The following ZNF816 variants were observed in gnomAD, a reference collection of about 807,000 sequenced individuals.
ZNF816 encodes the protein zinc finger protein 816A.
ZNF816 carries 11 observed loss-of-function variants against 8.3 expected under a neutral mutation model. The observed-to-expected ratio is 1.32, with a 90% CI of 0.83 to 2.19. ZNF816 has a LOEUF of 2.19. Ranked by LOEUF, ZNF816 falls within the 30% of genes most tolerant of loss-of-function variation. The pLI is 0.00. For synonymous variants in ZNF816, 255 were observed against 254.5 expected, an observed-to-expected ratio of 1.00 and a Z score of -0.02; for missense variants, 710 against 779.3, an observed-to-expected ratio of 0.91 and a Z score of 1.06.
rs774769130 is a variant in ZNF816 at position 52,952,935 on chromosome 19, C to T, written c.64-58G>A. 5.2e-5 allele frequency: 80 copies of T among 1,534,890 alleles called. 2 individuals carry two copies. Among genetic ancestry groups the T allele is most frequent in the Non-Finnish European group, 5.9e-5 (67 of 1,144,658 alleles). On this transcript the variant is annotated intron_variant, in intron 2 of 3. Transcript: ENST00000444460. ...ATGGAGGAGTGAGTTATTGCCCTCACGTGAAATGAGAAAACAGAAAATAAG... is the reference window on the plus strand; with the variant it reads ...ATGGAGGAGTGAGTTATTGCCCTCATGTGAAATGAGAAAACAGAAAATAAG...
intron 1 of ZNF816, among the ~76,000 whole-genome samples, chr19:52,959,173 T>C (rs996917586): frequency 2.0e-5 from 3 of 152,236 alleles, no homozygotes; most frequent in African/African-American, 7.2e-5. Flanking sequence ...AACTAACTCT[T>C]AGGCAAAACC....
intron 2 of ZNF816, among the ~76,000 whole-genome samples, chr19:52,954,255 C>T (rs534896354): frequency 5.3e-5 from 8 of 151,824 alleles, no homozygotes; most frequent in South Asian, 2.1e-4. Flanking sequence ...GGAATGGTGG[C>T]GCATGCCTAT....
intron 2 of ZNF816, among the ~76,000 whole-genome samples, chr19:52,954,940 G>T (rs2083497132): frequency 6.6e-6 from 1 of 151,856 alleles, no homozygotes; most frequent in Admixed American, 6.6e-5. Context: ...TCCCCACTGA[G>T]ACATGGGAAT....
Position 52,956,065 on chromosome 19 carries a change from TCTTGGTGG to T in ZNF816, c.17_24del (p.Ala6GlufsTer57), listed in dbSNP as rs1477319640. On this transcript the variant is annotated frameshift_variant, in exon 2 of 4. Transcript: ENST00000444460. LOFTEE classifies it high-confidence loss of function. ...ATCCCTGGCTCCTTTTCTTTGCTCT[TCTTGGTGG>T]CTTCCTCACGTAACATGAGTCTTTG... 1.9e-6 allele frequency: 3 copies of T among 1,611,560 alleles called. No homozygotes were observed. The highest frequency in any genetic ancestry group is 2.5e-6 in the Non-Finnish European group (3 of 1,179,440).
chr19:52,955,679 T>C (rs2122159496), intron 2 of ZNF816, among the ~76,000 whole-genome samples: 2 of 152,328 alleles, frequency 1.3e-5, no homozygotes, highest in Middle Eastern at 6.8e-3. Flanking sequence ...CATATACAGT[T>C]TCTCTGATCT....
intron 1 of ZNF816, 45 bp from the exon 2 acceptor site, chr19:52,956,149 A>C: frequency 4.5e-6 from 7 of 1,572,490 alleles, no homozygotes. Flanking sequence ...GAAACCATTG[A>C]CTCCTTTCCT....
chr19:52,956,173 C>T (rs2083508634), intron 1 of ZNF816, 69 bp from the exon 2 acceptor site: 2 of 1,521,054 alleles, frequency 1.3e-6, no homozygotes, highest in South Asian at 1.2e-5. Context: ...ACAAAACACA[C>T]ACACAGGGGA....
At position 52,950,867 on chromosome 19, in the gene ZNF816, T is replaced by A. The variant is rs762312487; in HGVS notation, c.908A>T (p.His303Leu). The change falls in exon 4 of 4, where the codon CAT becomes CTT. Residue 303 changes from histidine to leucine, a missense_variant. His to Leu is a moderately conservative substitution (Grantham distance 99). Transcript: ENST00000444460. ...TFTQMSSLVC[H>L]RRLHTGEKPY... ...TTTCTCTCCAGTATGAAGTCTACGA[T>A]GGCATACAAGGGATGACATCTGAGT... 6.2e-7 allele frequency: 1 copy of A among 1,614,216 alleles called. No homozygotes were observed.
In ZNF816 at chr19:52,957,011, C is replaced by T. The variant is rs934774675; in HGVS notation, c.-15-907G>A. On this transcript the variant is annotated intron_variant, in intron 1 of 3. Transcript: ENST00000444460. The surrounding 1 kb of genome is among the most constrained non-coding windows in gnomAD (Gnocchi z 4.6). ...GCACGTAGTGTCAAGTCACATTCCC[C>T]ACACTTGCTTGATCTATCATGACCC... Among the ~76,000 whole-genome samples the T allele has an allele frequency of 7.9e-5, 12 of 152,202 alleles. No individual in the cohort carries two copies. The highest frequency in any genetic ancestry group is 7.9e-4 in the Admixed American group (12 of 15,274).
At chr19:52,956,161 T>C in intron 1 of ZNF816, 57 bp from the exon 2 acceptor site, 5 of 1,557,924 alleles carry the variant, frequency 3.2e-6, no homozygotes, top group Non-Finnish European at 4.3e-6. Flanking sequence ...TCCTTTCCTG[T>C]GACAAAACAC....
intron 2 of ZNF816, among the ~76,000 whole-genome samples, chr19:52,954,022 C>T (rs989268686): frequency 7.8e-6 from 1 of 128,494 alleles, no homozygotes; most frequent in African/African-American, 3.3e-5. Flanking sequence ...GCCTGAGCAA[C>T]AGACTGAGAC....
intron 1 of ZNF816, chr19:52,960,180 G>T: frequency 4.7e-6 from 1 of 213,354 alleles, no homozygotes; most frequent in South Asian, 6.4e-5. Flanking sequence ...TGTGTTACCT[G>T]CCGACAGCAC....
In ZNF816 at chr19:52,950,038, GA is replaced by G. The variant is rs2083440876; in HGVS notation, c.1736del (p.Ile579ThrfsTer115). The G allele has an allele frequency of 3.1e-6, 5 of 1,613,840 alleles. No individual in the cohort carries two copies. The highest frequency in any genetic ancestry group is 4.2e-6 in the Non-Finnish European group (5 of 1,179,950). On this transcript the variant is annotated frameshift_variant, in exon 4 of 4. Transcript: ENST00000444460. LOFTEE classifies it low-confidence loss of function (END_TRUNC). ...TATGAACTCTCTGATGTTGTGCAAG[GA>G]TTCCTTTTTGATTAAAAACCTTCGC... ...KCAKVFNQKG[I>X]LAQHQRVHTG...
rs759120983 is a variant in ZNF816, at chr19:52,950,080, G to C, written c.1695C>G (p.Tyr565Ter). The C allele has an allele frequency of 6.2e-7, 1 of 1,614,094 alleles. No individual in the cohort carries two copies. Among genetic ancestry groups the C allele is most frequent in the Non-Finnish European group, 8.5e-7 (1 of 1,179,982 alleles). Reference sequence around the variant, plus strand: ...AAACCTTCGCACATTTATTACACTTGTAAGGTTTCTCTCCAGTATGAACTC... The same window carrying C: ...AAACCTTCGCACATTTATTACACTTCTAAGGTTTCTCTCCAGTATGAACTC... Reference protein sequence around the residue: ...HTRVHTGEKPYKCNKCAKVFN... With the variant: ...HTRVHTGEKP The change falls in exon 4 of 4, where the codon TAC (tyrosine) becomes TAG (stop). Residue 565 changes from tyrosine to a stop codon, truncating the protein, a stop_gained. Transcript: ENST00000444460. LOFTEE classifies it low-confidence loss of function (END_TRUNC).
chr19:52,949,714 T>G lies in ZNF816; in HGVS notation c.*105A>C. The G allele has an allele frequency of 6.5e-7, 1 of 1,535,526 alleles. No individual in the cohort carries two copies. Among genetic ancestry groups the G allele is most frequent in the Non-Finnish European group, 9.0e-7 (1 of 1,114,230 alleles). ...GATGAACTACAAGTTATGAATGACGTCTGAAAAATTTGCCACATTTATTAC... is the reference window on the plus strand; with the variant it reads ...GATGAACTACAAGTTATGAATGACGGCTGAAAAATTTGCCACATTTATTAC... On this transcript the variant is annotated 3_prime_UTR_variant, in exon 4 of 4. Coordinates refer to ENST00000444460, the MANE Select transcript of ZNF816 (RefSeq NM_001202457.3).
Position 52,950,913 on chromosome 19 carries a change from TAC to T in ZNF816, c.860_861del (p.Cys287Ter). The T allele has an allele frequency of 6.2e-7, 1 of 1,614,202 alleles. No homozygotes were observed. Among genetic ancestry groups the T allele is most frequent in the Non-Finnish European group, 8.5e-7 (1 of 1,180,016 alleles). On this transcript the variant is annotated frameshift_variant, in exon 4 of 4. Transcript: ENST00000444460. LOFTEE classifies it low-confidence loss of function (END_TRUNC). Reference protein sequence around the residue: ...RCHTGEKTYKCNECGKTFTQM... With the variant: ...RCHTGEKTYKXNECGKTFTQM... ...TGAGTGAAGGTCTTCCCACACTCAT[TAC>T]ACTTGTAAGTTTTCTCACCAGTGTG... is the stretch of plus-strand genomic sequence containing the variant.
chr19:52,952,535 A>C (rs1318659129), intron 3 of ZNF816: 1 of 798,944 alleles, frequency 1.3e-6, no homozygotes, highest in Non-Finnish European at 1.9e-6. Flanking sequence ...GTATTAGTCA[A>C]AGTGTTCGTG....
chr19:52,956,347 T>C (rs1261406603), intron 1 of ZNF816: 2 of 410,180 alleles, frequency 4.9e-6, no homozygotes, highest in South Asian at 3.2e-5. Flanking sequence ...AGGACACAGA[T>C]CTTCAGGGCA....
In ZNF816 at chr19:52,957,138, C is replaced by T. The variant is rs10418714; in HGVS notation, c.-15-1034G>A. ...ACACGAGTCCTCTGATGCGCTGGGC[C>T]GAATAAAGCCACTTCCTTCTTTAAT... is the stretch of plus-strand genomic sequence containing the variant. On this transcript the variant is annotated intron_variant, in intron 1 of 3. Transcript: ENST00000444460. This position sits in a 1 kb window ranked among gnomAD's most constrained non-coding sequence, Gnocchi z 4.6. 3.4e-3 allele frequency among the ~76,000 whole-genome samples: 510 copies of T among 152,192 alleles called. 3 individuals are homozygous for T. Among genetic ancestry groups the T allele is most frequent in the African/African-American group, 0.011 (455 of 41,514 alleles).
Sources: gnomAD v4.1 joint callset for allele counts (sites outside exome capture counted in the v4.1 genomes callset) on GRCh38, gnomAD v4.1.1 for gene constraint, Gnocchi (gnomAD v3.1) non-coding constraint, MANE v1.5 for transcripts, NCBI Gene and HGNC (gene_info 2026-07-23, HGNC 2026-07-21) for gene names.